AK7: variants seen among roughly 807,000 people sequenced by gnomAD.
AK7 encodes the protein adenylate kinase 7, also known as ATP-AMP transphosphorylase 7.
In AK7, 78 loss-of-function variants were observed where a neutral mutation model predicts 96.6. That is an observed-to-expected ratio of 0.81 (90% CI 0.67 to 0.97). AK7 has a LOEUF of 0.97. Ranked by LOEUF, AK7 falls within the 50% of genes least tolerant of loss-of-function variation. The probability of loss-of-function intolerance (pLI) is 0.00; values close to 1 mark genes in which losing one functional copy is unlikely to be tolerated. For synonymous variants in AK7, 302 were observed against 317.2 expected (o/e 0.95, Z 0.51); for missense variants, 855 against 887.9 (o/e 0.96, Z 0.47).
chr14:96,471,344 A>G, intron 12 of AK7, 134 bp from the exon 13 acceptor site: 4 of 449,392 alleles, frequency 8.9e-6, no homozygotes, highest in Non-Finnish European at 1.4e-5. Context: ...AAAAAAAAAA[A>G]AAAAAAAAAA....
chr14:96,457,394 T>C (rs1893991096), intron 11 of AK7, among the ~76,000 whole-genome samples: 1 of 152,210 alleles, frequency 6.6e-6, no homozygotes, highest in Admixed American at 6.5e-5. Context: ...TTGGGAATTT[T>C]AACATTTTAG....
intron 11 of AK7, 72 bp from the exon 12 acceptor site, chr14:96,458,011 C>T: frequency 6.4e-7 from 1 of 1,571,882 alleles, no homozygotes; most frequent in South Asian, 1.2e-5. Flanking sequence ...TCCAGGATCA[C>T]CTGCCAGCTG....
intron 5 of AK7, among the ~76,000 whole-genome samples, chr14:96,427,146 G>GAGGC (rs1892071535): frequency 6.6e-6 from 1 of 152,184 alleles, no homozygotes; most frequent in Admixed American, 6.5e-5. Flanking sequence ...TCGGGAGGCT[G>GAGGC]AGGCAGGAGA....
At chr14:96,454,530 T>C (rs561909775) in intron 10 of AK7, among the ~76,000 whole-genome samples, 2 of 151,876 alleles carry the variant, frequency 1.3e-5, no homozygotes, top group Non-Finnish European at 2.9e-5. Flanking sequence ...CAGGTTGGAG[T>C]GCAGTGGTAG....
intron 12 of AK7, among the ~76,000 whole-genome samples, chr14:96,469,642 G>T (rs1356106367): frequency 2.0e-5 from 3 of 152,164 alleles, no homozygotes; most frequent in African/African-American, 7.2e-5. Context: ...TTACTGGGAA[G>T]TAATGTAGAA....
At chr14:96,434,389 A>G (rs1468334474) in intron 5 of AK7, among the ~76,000 whole-genome samples, 5 of 151,134 alleles carry the variant, frequency 3.3e-5, no homozygotes, top group African/African-American at 9.7e-5. Context: ...CTTCCCTTAC[A>G]TCTCTCCAAA....
chr14:96,423,795 G>C (rs1891854343), intron 5 of AK7: 7 of 748,424 alleles, frequency 9.4e-6, no homozygotes, highest in Non-Finnish European at 1.7e-5. Flanking sequence ...TACTTTTTAC[G>C]GGGGGACGCC....
intron 6 of AK7, among the ~76,000 whole-genome samples, chr14:96,438,880 G>A (rs1053914010): frequency 1.3e-5 from 2 of 152,184 alleles, no homozygotes; most frequent in Admixed American, 6.6e-5. Context: ...GATTTCAGAC[G>A]TATTTTGAAG....
chr14:96,396,199 G>A (rs542761582), intron 1 of AK7, among the ~76,000 whole-genome samples: 17 of 152,240 alleles, frequency 1.1e-4, no homozygotes, highest in South Asian at 4.2e-4. Context: ...GAGCCACCAC[G>A]CTCTGTCCAG....
At chr14:96,398,442 T>G (rs1890212540) in intron 2 of AK7, 179 bp downstream of exon 2, 1 of 657,120 alleles carries the variant, frequency 1.5e-6, no homozygotes, top group African/African-American at 1.8e-5. Context: ...CACTTTTAAT[T>G]TTCGGCCAAA....
intron 2 of AK7, 42 bp from the exon 3 acceptor site, chr14:96,404,715 G>T: frequency 1.5e-6 from 2 of 1,349,938 alleles, no homozygotes; most frequent in Admixed American, 1.7e-5. Flanking sequence ...AGGTTACCTT[G>T]TTAGCGTCTT....
intron 5 of AK7, among the ~76,000 whole-genome samples, chr14:96,422,471 TG>T (rs1891758694): frequency 6.6e-6 from 1 of 152,000 alleles, no homozygotes; most frequent in Non-Finnish European, 1.5e-5. Flanking sequence ...AAGATGAGGG[TG>T]TTTATAGTCC....
At chr14:96,453,318 C>T (rs574003770) in intron 10 of AK7, among the ~76,000 whole-genome samples, 1 of 152,184 alleles carries the variant, frequency 6.6e-6, no homozygotes, top group South Asian at 2.1e-4. Context: ...TATGACAAGA[C>T]ACTTTGAAGA....
intron 1 of AK7, among the ~76,000 whole-genome samples, chr14:96,395,592 C>A (rs1276778833): frequency 1.3e-5 from 2 of 151,808 alleles, no homozygotes; most frequent in Non-Finnish European, 2.9e-5. Context: ...CCTACCTTCC[C>A]AGCTGCTCAG....
intron 14 of AK7, 92 bp from the exon 15 acceptor site, chr14:96,478,373 T>C (rs1895302572): frequency 2.3e-6 from 3 of 1,316,884 alleles, no homozygotes; most frequent in East Asian, 2.3e-5. Context: ...CAGGAGGTCT[T>C]GGCTGGTAAC....
Position 96,458,064 on chromosome 14 carries a change from A to C in AK7, c.1228-19A>C, listed in dbSNP as rs370530340. 1.2e-6 allele frequency: 2 copies of C among 1,610,464 alleles called. No homozygotes were observed. Among genetic ancestry groups the C allele is most frequent in the South Asian group, 1.1e-5 (1 of 90,790 alleles). ...GGATGTGGGGCATCATCCAATGTGA[A>C]TATCCCTGTGGTATGCAGGAGGCGA... On this transcript the variant is annotated intron_variant, in intron 11 of 17. Transcript: ENST00000267584.
At chr14:96,438,430 A>T (rs182036230) in intron 6 of AK7, among the ~76,000 whole-genome samples, 1 of 152,318 alleles carries the variant, frequency 6.6e-6, no homozygotes, top group Admixed American at 6.5e-5. Flanking sequence ...ACGATGTGAC[A>T]TTTGAGTAGG....
intron 4 of AK7, among the ~76,000 whole-genome samples, chr14:96,412,352 C>T (rs763206224): frequency 5.9e-5 from 9 of 151,320 alleles, no homozygotes; most frequent in Non-Finnish European, 1.3e-4. Context: ...CTCAGCCTCC[C>T]GAGTAGCTGG....
chr14:96,466,943 G>A (rs1376871735), intron 12 of AK7, among the ~76,000 whole-genome samples: 1 of 151,344 alleles, frequency 6.6e-6, no homozygotes, highest in African/African-American at 2.4e-5. Context: ...AAAGTCTCGG[G>A]CAGCAATGCA....
Sources: allele counts gnomAD v4.1 joint callset (sites outside exome capture counted in the v4.1 genomes callset), GRCh38; gene constraint gnomAD v4.1.1; transcripts MANE v1.5; gene names NCBI Gene and HGNC (gene_info 2026-07-23, HGNC 2026-07-21).